The following RAD21 variants were observed in gnomAD, a reference collection of about 807,000 sequenced individuals.
RAD21 encodes RAD21 cohesin complex component.
In RAD21, 18 loss-of-function variants were observed where a neutral mutation model predicts 71.5. The ratio of observed to expected loss-of-function variants is 0.25; its 90% confidence interval spans 0.17 to 0.37. The LOEUF (loss-of-function observed/expected upper bound fraction) is 0.37, where lower values mean the gene tolerates loss of function less well. RAD21 is among the 10% of genes least tolerant of loss of function. RAD21 has a pLI of 1.00. For missense variants in RAD21, 493 were observed against 769.1 expected, an observed-to-expected ratio of 0.64 and a Z score of 4.25; for synonymous variants, 248 against 254.0, an observed-to-expected ratio of 0.98 and a Z score of 0.22.
At position 116,861,930 on chromosome 8, in the gene RAD21, G is replaced by A. The variant is rs140344837; in HGVS notation, c.285C>T (p.Asp95=). 6.2e-7 allele frequency: 1 copy of A among 1,608,924 alleles called. No homozygotes were observed. The highest frequency in any genetic ancestry group is 8.5e-7 in the Non-Finnish European group (1 of 1,176,050). The change falls in exon 4 of 14, where the codon GAC becomes GAT. Residue 95 remains aspartate, a synonymous_variant. Coordinates refer to ENST00000297338, the MANE Select transcript of RAD21 (RefSeq NM_006265.3). The stretch of plus-strand genomic sequence containing the variant: ...CTGCTTCCCGATTTTCCTCAGGCAG[G>A]TCAACCACACCTAGAAAAGAAATGC... The part of the protein sequence containing the change: ...IKMAFRPGVV[D]LPEENREAAY...
chr8:116,863,033 G>A, intron 3 of RAD21, 97 bp downstream of exon 3: 1 of 1,415,284 alleles, frequency 7.1e-7, no homozygotes, highest in South Asian at 1.5e-5. Context: ...AACAAAGCAT[G>A]TAGATTTAGA....
intron 13 of RAD21, among the ~76,000 whole-genome samples, 200 bp from the exon 14 acceptor site, chr8:116,847,891 C>A (rs1395132448): frequency 9.2e-5 from 14 of 152,092 alleles, no homozygotes; most frequent in Admixed American, 8.5e-4. Flanking sequence ...ATCAATCACT[C>A]CCTGTGGCAA....
At chr8:116,872,480 G>A (rs1778516916) in intron 1 of RAD21, among the ~76,000 whole-genome samples, 1 of 152,014 alleles carries the variant, frequency 6.6e-6, no homozygotes, top group African/African-American at 2.4e-5. Flanking sequence ...CCTCTGGAAA[G>A]TAGGTATGCA....
chr8:116,852,516 A>T (rs949202511), intron 10 of RAD21, 33 bp downstream of exon 10: 22 of 1,557,010 alleles, frequency 1.4e-5, no homozygotes, highest in Non-Finnish European at 1.8e-5. Context: ...ACTCATGTGA[A>T]CTTCATCAAG....
At chr8:116,850,919 G>C (rs1812336675) in intron 11 of RAD21, 152 bp from the exon 12 acceptor site, 1 of 450,976 alleles carries the variant, frequency 2.2e-6, no homozygotes, top group Admixed American at 3.8e-5. Flanking sequence ...ATTTATTACA[G>C]TATATATCTT....
At chr8:116,874,356 T>C (rs1586283103) in intron 1 of RAD21, 1 of 162,716 alleles carries the variant, frequency 6.1e-6, no homozygotes, top group Admixed American at 6.5e-5. Context: ...TCAGAATCAT[T>C]TGTTACCGAA....
At chr8:116,854,787 A>T (rs2130463747) in intron 8 of RAD21, among the ~76,000 whole-genome samples, 1 of 152,016 alleles carries the variant, frequency 6.6e-6, no homozygotes, top group African/African-American at 2.4e-5. Flanking sequence ...AACATATCAC[A>T]CTCTTCAGAG....
At chr8:116,856,933 C>A (rs1258602600) in intron 6 of RAD21, among the ~76,000 whole-genome samples, 162 bp from the exon 7 acceptor site, 1 of 152,072 alleles carries the variant, frequency 6.6e-6, no homozygotes, top group African/African-American at 2.4e-5. Flanking sequence ...GTATAAAACA[C>A]TTGGTATATA....
At chr8:116,872,921 C>T (rs907163943) in intron 1 of RAD21, among the ~76,000 whole-genome samples, 1 of 152,182 alleles carries the variant, frequency 6.6e-6, no homozygotes, top group African/African-American at 2.4e-5. Context: ...AAATTAAGCT[C>T]CCTCTTTGCT....
chr8:116,857,755 T>TAATTATGTATGTAAATATGTA, intron 5 of RAD21, among the ~76,000 whole-genome samples: 1 of 152,210 alleles, frequency 6.6e-6, no homozygotes, highest in East Asian at 1.9e-4. Context: ...AATATGTATG[T>TAATTATGTATGTAAATATGTA]ATGTTAAGTT....
intron 3 of RAD21, among the ~76,000 whole-genome samples, chr8:116,862,279 G>C (rs1174774445): frequency 6.6e-6 from 1 of 151,542 alleles, no homozygotes; most frequent in Non-Finnish European, 1.5e-5. Context: ...AAAAGGAGCT[G>C]GTTATTTTGG....
rs1381566779 is a variant in RAD21 at position 116,847,456 on chromosome 8, T to C, written c.*44A>G. On this transcript the variant is annotated 3_prime_UTR_variant, in exon 14 of 14. Coordinates refer to ENST00000297338, the MANE Select transcript of RAD21 (RefSeq NM_006265.3). The stretch of plus-strand genomic sequence containing the variant: ...GTCCCCTACACATGGGGGCAATTTG[T>C]AAGCACTAGTGAATCAAACACTAGC... 1.5e-5 allele frequency: 23 copies of C among 1,509,268 alleles called. No homozygotes were observed. The highest frequency in any genetic ancestry group is 2.8e-5 in the African/African-American group (2 of 71,118). The allele number at this position is 1,509,268 out of a possible 1,614,324, so 93.5% of individuals were successfully genotyped here. A position where few individuals can be genotyped will look rare whatever the true frequency, so the allele number is the denominator to read the frequency against.
intron 1 of RAD21, among the ~76,000 whole-genome samples, chr8:116,868,927 C>T (rs1812752198): frequency 6.6e-6 from 1 of 151,456 alleles, no homozygotes; most frequent in Admixed American, 6.6e-5. Flanking sequence ...TGCACGCACG[C>T]ACGCACACAC....
In RAD21 at chr8:116,852,061, C is replaced by G. The variant is rs1340253677; in HGVS notation, c.1357G>C (p.Glu453Gln). ...GTTCTGCTGGCCTCCATCACTGACT[C>G]CTGGAGGCGGCTTGGCTCTTCAATA... is the stretch of plus-strand genomic sequence containing the variant. ...PIIEEPSRLQ[E>Q]SVMEASRTNI... The change falls in exon 11 of 14, where the codon GAG becomes CAG. Residue 453 changes from glutamate (E) to glutamine (Q), a missense_variant. Glu to Gln is a conservative substitution (Grantham distance 29). Coordinates refer to ENST00000297338, the MANE Select transcript of RAD21 (RefSeq NM_006265.3). 3.1e-6 allele frequency: 5 copies of G among 1,610,568 alleles called. No homozygotes were observed. Among genetic ancestry groups the G allele is most frequent in the Non-Finnish European group, 4.2e-6 (5 of 1,177,168 alleles).
chr8:116,870,665 T>C (rs1812802536), intron 1 of RAD21, among the ~76,000 whole-genome samples: 1 of 152,174 alleles, frequency 6.6e-6, no homozygotes, highest in Admixed American at 6.6e-5. Flanking sequence ...AGAAATATAA[T>C]CGCTGTTGTA....
At chr8:116,856,430 T>G (rs544569453) in intron 7 of RAD21, 142 bp from the exon 8 acceptor site, 3 of 1,295,284 alleles carry the variant, frequency 2.3e-6, no homozygotes, top group Non-Finnish European at 3.0e-6. Flanking sequence ...TTCTAGTTAA[T>G]GGGAAAGCCC....
intron 1 of RAD21, among the ~76,000 whole-genome samples, chr8:116,869,600 G>C (rs979947910): frequency 2.0e-5 from 3 of 151,966 alleles, no homozygotes; most frequent in Non-Finnish European, 4.4e-5. Context: ...AAAAAAAAAA[G>C]TGAGCCAAAG....
At chr8:116,850,908 A>G in intron 11 of RAD21, 141 bp from the exon 12 acceptor site, 1 of 512,090 alleles carries the variant, frequency 2.0e-6, no homozygotes, top group Non-Finnish European at 3.4e-6. Flanking sequence ...CACAAGGAAA[A>G]ATTTATTACA....
At chr8:116,862,507 G>A (rs182933000) in intron 3 of RAD21, among the ~76,000 whole-genome samples, 1 of 152,032 alleles carries the variant, frequency 6.6e-6, no homozygotes, top group East Asian at 1.9e-4. Context: ...TTCACATACT[G>A]ACATAAACTG....
Sources: allele counts gnomAD v4.1 joint callset (sites outside exome capture counted in the v4.1 genomes callset), GRCh38; gene constraint gnomAD v4.1.1; transcripts MANE v1.5; gene names NCBI Gene and HGNC (gene_info 2026-07-23, HGNC 2026-07-21).